GPC5: variants seen among roughly 807,000 people sequenced by gnomAD.
GPC5 encodes the protein glypican-5.
Under a neutral mutation model 53.9 loss-of-function variants are expected in GPC5, and 47 were observed. The ratio of observed to expected loss-of-function variants is 0.87; its 90% CI spans 0.69 to 1.11. The LOEUF is 1.11. Among genes scored for constraint, GPC5 ranks in the 50% most tolerant of loss-of-function variants. GPC5 has a pLI of 0.00. For missense variants in GPC5, 748 were observed against 713.1 expected (o/e 1.05, Z -0.56); for synonymous variants, 286 against 263.3 (o/e 1.09, Z -0.84).
chr13:92,835,403 G>T (rs1175203061), intron 7 of GPC5, among the ~76,000 whole-genome samples: 1 of 152,016 alleles, frequency 6.6e-6, no homozygotes, highest in African/African-American at 2.4e-5. Context: ...CATCAACAGA[G>T]ATCAGCTTTG....
chr13:92,581,037 CAT>C lies in GPC5; in HGVS notation c.1562-285240_1562-285239del, dbSNP rs560051393. Among the ~76,000 whole-genome samples the C allele has an allele frequency of 2.4e-3, 368 of 152,162 alleles. 1 individual carries two copies. The highest frequency in any genetic ancestry group is 8.1e-3 in the African/African-American group (337 of 41,510). On this transcript the variant is annotated intron_variant, in intron 7 of 7. Transcript: ENST00000377067. ...AGAATGATTAAATCAAACCATATAA[CAT>C]ATATCTTACCTCATATTCTTATCTG...
chr13:92,674,933 A>T (rs1886885966), intron 7 of GPC5, among the ~76,000 whole-genome samples: 1 of 152,196 alleles, frequency 6.6e-6, no homozygotes. Flanking sequence ...GTACATTTTT[A>T]GCTATTTGTT....
At chr13:92,445,678 G>A (rs1877786217) in intron 7 of GPC5, among the ~76,000 whole-genome samples, 1 of 151,750 alleles carries the variant, frequency 6.6e-6, no homozygotes, top group Admixed American at 6.6e-5. Context: ...GTATTCCATG[G>A]TGTATATGTG....
intron 4 of GPC5, among the ~76,000 whole-genome samples, chr13:91,747,072 A>G (rs2037066207): frequency 1.3e-5 from 2 of 152,222 alleles, no homozygotes; most frequent in African/African-American, 2.4e-5. Context: ...GGAGGGATGG[A>G]AAGACTATGG....
intron 5 of GPC5, among the ~76,000 whole-genome samples, chr13:91,868,881 A>G (rs1447408054): frequency 2.0e-5 from 3 of 152,296 alleles, no homozygotes; most frequent in African/African-American, 4.8e-5. Context: ...CAGAGACACT[A>G]TATGCAGTGG....
intron 7 of GPC5, among the ~76,000 whole-genome samples, chr13:92,588,502 G>C (rs770540682): frequency 2.6e-5 from 4 of 152,180 alleles, no homozygotes; most frequent in Non-Finnish European, 5.9e-5. Context: ...CATTTGTGAA[G>C]ATCTGCTTTA....
chr13:91,755,363 C>G (rs2037267183), intron 4 of GPC5, among the ~76,000 whole-genome samples: 1 of 152,102 alleles, frequency 6.6e-6, no homozygotes, highest in Non-Finnish European at 1.5e-5. Context: ...TACTTTCCTT[C>G]CAACATTTCC....
chr13:92,110,708 A>G (rs2041550084), intron 6 of GPC5, among the ~76,000 whole-genome samples: 1 of 152,232 alleles, frequency 6.6e-6, no homozygotes, highest in Admixed American at 6.5e-5. Context: ...TAATTGAAGG[A>G]TAAGAAAATT....
chr13:92,492,370 C>T (rs1223614715), intron 7 of GPC5, among the ~76,000 whole-genome samples: 6 of 151,144 alleles, frequency 4.0e-5, no homozygotes, highest in African/African-American at 1.5e-4. Context: ...GGAGGGATAG[C>T]AATAGGAGAT....
intron 7 of GPC5, among the ~76,000 whole-genome samples, chr13:92,528,558 C>T (rs1035112102): frequency 6.6e-6 from 1 of 151,818 alleles, no homozygotes; most frequent in Admixed American, 6.6e-5. Flanking sequence ...CAGGACCTAT[C>T]AAAATTTAAG....
At position 92,350,604 on chromosome 13, in the gene GPC5, A is replaced by C. The variant is rs140323820; in HGVS notation, c.1561+205615A>C. On this transcript the variant is annotated intron_variant, in intron 7 of 7. Transcript: ENST00000377067. ...GACAGAAGGAAGTTCTTGTTTGCTC[A>C]GATCTATTGCACAGCATGGTGAATA... Among the ~76,000 whole-genome samples the C allele has an allele frequency of 4.1e-4, 63 of 152,280 alleles. 2 individuals carry two copies. In the East Asian group the frequency reaches 0.012, roughly 29 times the overall value.
chr13:92,745,644 T>A (rs535209677), intron 7 of GPC5, among the ~76,000 whole-genome samples: 1 of 152,242 alleles, frequency 6.6e-6, no homozygotes, highest in South Asian at 2.1e-4. Context: ...TGCTTACCAC[T>A]ATTATTCACT....
At chr13:92,501,121 A>C (rs774937158) in intron 7 of GPC5, among the ~76,000 whole-genome samples, 34 of 152,316 alleles carry the variant, frequency 2.2e-4, no homozygotes, top group Non-Finnish European at 4.3e-4. Context: ...CCCACATATG[A>C]AAATACAATA....
chr13:92,099,604 G>C (rs994672300), intron 6 of GPC5, among the ~76,000 whole-genome samples: 2 of 152,150 alleles, frequency 1.3e-5, no homozygotes, highest in Non-Finnish European at 1.5e-5. Flanking sequence ...AATAAACCAT[G>C]ATTATCTATT....
At chr13:91,542,245 C>T (rs554270170) in intron 2 of GPC5, among the ~76,000 whole-genome samples, 3 of 152,094 alleles carry the variant, frequency 2.0e-5, no homozygotes, top group African/African-American at 7.2e-5. Flanking sequence ...GTCACAATTT[C>T]TCTCATAATA....
At position 92,181,102 on chromosome 13, in the gene GPC5, TC is replaced by T. The variant is rs1361612490; in HGVS notation, c.1561+36115del. ...TGCCTGGTTGTGAGCTACTACTCTT[TC>T]CTGATAGTCCACAATAGCTATAGCC... On this transcript the variant is annotated intron_variant, in intron 7 of 7. Transcript: ENST00000377067. 2.0e-5 allele frequency among the ~76,000 whole-genome samples: 3 copies of T among 152,196 alleles called. No individual in the cohort carries two copies. In the South Asian group the frequency reaches 6.2e-4, roughly 32 times the overall value.
At chr13:92,113,222 G>A (rs1171187440) in intron 6 of GPC5, among the ~76,000 whole-genome samples, 3 of 151,936 alleles carry the variant, frequency 2.0e-5, no homozygotes, top group Non-Finnish European at 4.4e-5. Context: ...ATATTTAATT[G>A]TCAATGTATG....
intron 7 of GPC5, among the ~76,000 whole-genome samples, chr13:92,550,622 T>C (rs926510628): frequency 6.6e-6 from 1 of 151,770 alleles, no homozygotes; most frequent in Non-Finnish European, 1.5e-5. Flanking sequence ...ATTAAAAAAC[T>C]TGTTTGGAAT....
chr13:92,045,795 A>G (rs1289195372), intron 6 of GPC5, among the ~76,000 whole-genome samples: 1 of 152,222 alleles, frequency 6.6e-6, no homozygotes, highest in African/African-American at 2.4e-5. Context: ...TCACGGAGGT[A>G]GATCCTATTT....
Sources: allele counts gnomAD v4.1 joint callset (sites outside exome capture counted in the v4.1 genomes callset), GRCh38; gene constraint gnomAD v4.1.1; transcripts MANE v1.5; gene names NCBI Gene and HGNC (gene_info 2026-07-23, HGNC 2026-07-21).